The following TOM1L1 variants were observed in gnomAD, a reference collection of about 807,000 sequenced individuals.
The protein encoded by TOM1L1 is target of myb1 like 1 membrane trafficking protein, also known as TOM1-like protein 1.
In TOM1L1, 64 loss-of-function variants were observed where a neutral mutation model predicts 63.4. The ratio of observed to expected loss-of-function variants is 1.01; its 90% confidence interval spans 0.83 to 1.24. The LOEUF (loss-of-function observed/expected upper bound fraction) is 1.24. TOM1L1 is among the 50% of genes most tolerant of loss of function. TOM1L1 has a pLI of 0.00. For missense variants in TOM1L1, 536 were observed against 567.0 expected (o/e 0.95, Z 0.55); for synonymous variants, 166 against 194.4 (o/e 0.85, Z 1.22).
chr17:54,911,782 C>A (rs61544730), intron 3 of TOM1L1, among the ~76,000 whole-genome samples: 1,735 of 152,292 alleles, frequency 0.011, 27 homozygotes, highest in African/African-American at 0.041. Flanking sequence ...CAGAGTGCTG[C>A]CTGACAACCT....
intron 3 of TOM1L1, among the ~76,000 whole-genome samples, chr17:54,909,000 T>C (rs1278180237): frequency 1.3e-5 from 2 of 152,216 alleles, no homozygotes; most frequent in African/African-American, 4.8e-5. Flanking sequence ...GGCTCATGCC[T>C]GTAATCCCAG....
At chr17:54,930,803 C>G (rs775053722) in intron 8 of TOM1L1, among the ~76,000 whole-genome samples, 1 of 152,052 alleles carries the variant, frequency 6.6e-6, no homozygotes, top group Admixed American at 6.5e-5. Flanking sequence ...GATCATGCCA[C>G]TGCACTTCAG....
intron 8 of TOM1L1, among the ~76,000 whole-genome samples, chr17:54,934,746 C>G (rs1405782458): frequency 6.7e-6 from 1 of 149,408 alleles, no homozygotes; most frequent in Non-Finnish European, 1.5e-5. Flanking sequence ...GAGATGGACT[C>G]TTGCTTTGCT....
intron 2 of TOM1L1, 39 bp downstream of exon 2, chr17:54,903,831 A>G (rs2048366071): frequency 6.4e-7 from 1 of 1,560,874 alleles, no homozygotes; most frequent in Non-Finnish European, 8.8e-7. Context: ...GCCTCTGACA[A>G]GAAGCATCAG....
At chr17:54,938,836 T>C (rs557375672) in intron 10 of TOM1L1, 88 bp from the exon 11 acceptor site, 4 of 682,732 alleles carry the variant, frequency 5.9e-6, no homozygotes, top group East Asian at 3.0e-5. Context: ...TTTTTCTTTT[T>C]TCTTTTTTTT....
chr17:54,940,375 A>G (rs1180300403), intron 11 of TOM1L1, among the ~76,000 whole-genome samples: 2 of 152,250 alleles, frequency 1.3e-5, no homozygotes, highest in Non-Finnish European at 2.9e-5. Flanking sequence ...GGCTATGGAA[A>G]GACAGTTACT....
At chr17:54,904,296 G>A (rs2048375246) in intron 2 of TOM1L1, among the ~76,000 whole-genome samples, 1 of 151,792 alleles carries the variant, frequency 6.6e-6, no homozygotes, top group South Asian at 2.1e-4. Context: ...CGTGAGCCTG[G>A]GAGGTGGAGC....
chr17:54,916,015 A>C, intron 7 of TOM1L1, 153 bp downstream of exon 7: 1 of 512,880 alleles, frequency 1.9e-6, no homozygotes. Context: ...AAAATATCCA[A>C]GAATGACTTT....
chr17:54,946,432 A>C (rs2049120169), intron 11 of TOM1L1, among the ~76,000 whole-genome samples: 1 of 152,188 alleles, frequency 6.6e-6, no homozygotes, highest in African/African-American at 2.4e-5. Context: ...ACTAAATGGC[A>C]GGACAGAAAG....
intron 14 of TOM1L1, among the ~76,000 whole-genome samples, chr17:54,956,353 G>T (rs188543375): frequency 5.9e-5 from 9 of 151,980 alleles, no homozygotes; most frequent in African/African-American, 2.2e-4. Context: ...CATTAGGCTG[G>T]AGTATAGTGG....
intron 8 of TOM1L1, among the ~76,000 whole-genome samples, chr17:54,934,878 C>A (rs2048921783): frequency 6.6e-6 from 1 of 152,098 alleles, no homozygotes. Context: ...CCACCACGCC[C>A]AGCTAATTTT....
chr17:54,914,589 G>C (rs962878280), intron 5 of TOM1L1, 50 bp from the exon 6 acceptor site: 1 of 1,496,256 alleles, frequency 6.7e-7, no homozygotes. Context: ...CTTGGCGTTG[G>C]GTGGCTATGT....
chr17:54,944,950 C>A (rs1373835726), intron 11 of TOM1L1, among the ~76,000 whole-genome samples: 1 of 152,118 alleles, frequency 6.6e-6, no homozygotes, highest in African/African-American at 2.4e-5. Context: ...CAAATGACTG[C>A]AAACTGGGTG....
intron 13 of TOM1L1, 39 bp downstream of exon 13, chr17:54,949,662 T>G: frequency 6.7e-7 from 1 of 1,490,936 alleles, no homozygotes; most frequent in Non-Finnish European, 9.4e-7. Flanking sequence ...ATAAGGAAAC[T>G]TATGAGAATA....
chr17:54,956,306 G>A (rs1019373944), intron 14 of TOM1L1, among the ~76,000 whole-genome samples: 1 of 151,904 alleles, frequency 6.6e-6, no homozygotes, highest in Non-Finnish European at 1.5e-5. Flanking sequence ...TACCATGCCT[G>A]GCTAATTTAA....
rs1443255383 is a variant in TOM1L1, at chr17:54,960,773, G to C, written c.*1+146G>C. The C allele has an allele frequency of 4.6e-6, 3 of 648,012 alleles. No individual in the cohort carries two copies. In the African/African-American group the frequency reaches 5.5e-5, roughly 12 times the overall value. 40.1% of individuals were successfully genotyped at this position (648,012 alleles called of 1,614,324 possible). Reference sequence around the variant, plus strand: ...TGAGTTCCCCTGAATCATTCAAATTGTGCTGAACCATTGTTCACTAATGAG... The same window carrying C: ...TGAGTTCCCCTGAATCATTCAAATTCTGCTGAACCATTGTTCACTAATGAG... On this transcript the variant is annotated intron_variant, in intron 15 of 15. Coordinates refer to ENST00000575882, the MANE Select transcript of TOM1L1 (RefSeq NM_005486.3).
At position 54,904,369 on chromosome 17, in the gene TOM1L1, CAAAAAAA is replaced by C. The variant is rs1165559722; in HGVS notation, c.143+593_143+599del. On this transcript the variant is annotated intron_variant, in intron 2 of 15. Transcript: ENST00000575882. ...TGGGTAACAAAGCAAGACTCTATCT[CAAAAAAA>C]AAAAAAAAAAAAAAATTGAAAAAGA... Among the ~76,000 whole-genome samples the C allele has an allele frequency of 7.7e-5, 6 of 78,178 alleles. No individual in the cohort carries two copies. The East Asian group carries it at 9.6e-4, about 13-fold the overall frequency. 51.3% of individuals were successfully genotyped at this position (78,178 alleles called of 152,430 possible).
intron 7 of TOM1L1, among the ~76,000 whole-genome samples, chr17:54,920,533 T>C (rs2048667099): frequency 6.6e-6 from 1 of 152,156 alleles, no homozygotes; most frequent in South Asian, 2.1e-4. Context: ...ATAAAGCAGG[T>C]GGGATCAGAC....
At chr17:54,919,135 T>A (rs1051363164) in intron 7 of TOM1L1, among the ~76,000 whole-genome samples, 2 of 152,156 alleles carry the variant, frequency 1.3e-5, no homozygotes, top group Non-Finnish European at 2.9e-5. Context: ...TTATGTGGGA[T>A]GTAAAAAGGA....
Sources: allele counts gnomAD v4.1 joint callset (sites outside exome capture counted in the v4.1 genomes callset), GRCh38; gene constraint gnomAD v4.1.1; transcripts MANE v1.5; gene names NCBI Gene and HGNC (gene_info 2026-07-23, HGNC 2026-07-21).